SORCS1: variants seen among roughly 807,000 people sequenced by gnomAD.
The protein encoded by SORCS1 is sortilin related VPS10 domain containing receptor 1.
SORCS1 carries 60 observed loss-of-function variants against 146.1 expected under a neutral mutation model. The observed-to-expected ratio is 0.41, with a 90% CI of 0.33 to 0.51. SORCS1 has a LOEUF of 0.51. SORCS1 is among the 20% of genes least tolerant of loss of function. SORCS1 has a pLI of 0.21. For synonymous variants in SORCS1, 637 were observed against 584.0 expected (o/e 1.09, Z -1.31); for missense variants, 1,352 against 1,487.6 (o/e 0.91, Z 1.50).
At chr10:106,699,162 C>T in intron 9 of SORCS1, 52 bp downstream of exon 9, 2 of 1,489,846 alleles carry the variant, frequency 1.3e-6, no homozygotes, top group Non-Finnish European at 9.0e-7. Flanking sequence ...GGGCTTCCAT[C>T]AGCCAGCTGG....
chr10:106,611,662 A>G (rs1035828376), intron 22 of SORCS1, among the ~76,000 whole-genome samples: 1 of 152,208 alleles, frequency 6.6e-6, no homozygotes, highest in Non-Finnish European at 1.5e-5. Flanking sequence ...TAAGCAGAAC[A>G]AGAGTCACAA....
intron 17 of SORCS1, among the ~76,000 whole-genome samples, chr10:106,661,484 A>T (rs1156452286): frequency 1.3e-5 from 2 of 152,222 alleles, no homozygotes; most frequent in Non-Finnish European, 2.9e-5. Flanking sequence ...TTAAACATCA[A>T]ATACATGTCT....
intron 1 of SORCS1, among the ~76,000 whole-genome samples, chr10:107,146,189 G>A (rs1355485238): frequency 6.6e-6 from 1 of 152,106 alleles, no homozygotes; most frequent in Non-Finnish European, 1.5e-5. Context: ...CTGTATAAAT[G>A]TCCATCACAT....
At chr10:107,155,726 CAGA>C (rs1279339461) in intron 1 of SORCS1, among the ~76,000 whole-genome samples, 2 of 152,120 alleles carry the variant, frequency 1.3e-5, no homozygotes, top group East Asian at 3.8e-4. Context: ...GGCCCTGCAG[CAGA>C]AGGATTGATG....
At chr10:106,936,271 T>A (rs543409973) in intron 2 of SORCS1, among the ~76,000 whole-genome samples, 1 of 152,170 alleles carries the variant, frequency 6.6e-6, no homozygotes, top group East Asian at 1.9e-4. Context: ...CTCAGTTGCA[T>A]AATCTTCTAA....
At chr10:106,643,587 C>G (rs1203137989) in intron 18 of SORCS1, among the ~76,000 whole-genome samples, 1 of 152,248 alleles carries the variant, frequency 6.6e-6, no homozygotes, top group Non-Finnish European at 1.5e-5. Context: ...GAAACCAGAT[C>G]TGACAGCTGG....
intron 1 of SORCS1, among the ~76,000 whole-genome samples, chr10:107,111,045 C>T (rs543089602): frequency 6.6e-6 from 1 of 152,308 alleles, no homozygotes; most frequent in South Asian, 2.1e-4. Flanking sequence ...TAGGCAATCC[C>T]ATCAGCTCAG....
At chr10:107,160,730 G>C (rs762680249) in intron 1 of SORCS1, among the ~76,000 whole-genome samples, 14 of 152,124 alleles carry the variant, frequency 9.2e-5, no homozygotes, top group Non-Finnish European at 1.9e-4. Flanking sequence ...ATATGAAAAA[G>C]AGATATTAAC....
At chr10:106,882,806 T>C (rs1462766088) in intron 2 of SORCS1, among the ~76,000 whole-genome samples, 3 of 152,140 alleles carry the variant, frequency 2.0e-5, no homozygotes, top group East Asian at 1.9e-4. Flanking sequence ...ATGAATTACA[T>C]TGGATGGAGA....
intron 2 of SORCS1, among the ~76,000 whole-genome samples, chr10:106,855,079 T>C (rs941709656): frequency 2.0e-5 from 3 of 152,144 alleles, no homozygotes; most frequent in African/African-American, 7.2e-5. Flanking sequence ...TCCTCAACTT[T>C]TGTCCGTCTG....
Position 106,924,466 on chromosome 10 carries a change from G to GATCTATCTATCTATCT in SORCS1, c.626+32031_626+32046dup, listed in dbSNP as rs35692327. ...ATATTATGAAAATTCCACAGTTATC[G>GATCTATCTATCTATCT]ATCTATCTATCTATCTATCTATCTA... On this transcript the variant is annotated intron_variant, in intron 2 of 25. Coordinates refer to ENST00000263054, the MANE Select transcript of SORCS1 (RefSeq NM_052918.5). Among the ~76,000 whole-genome samples the GATCTATCTATCTATCT allele has an allele frequency of 3.8e-5, 5 of 130,760 alleles. No individual in the cohort carries two copies. In the East Asian group the frequency reaches 6.8e-4, roughly 18 times the overall value. The allele number at this position is 130,760 out of a possible 152,430, so 85.8% of individuals were successfully genotyped here. A position where few individuals can be genotyped will look rare whatever the true frequency, so the allele number is the denominator to read the frequency against.
chr10:107,008,132 T>A (rs190300729), intron 1 of SORCS1, among the ~76,000 whole-genome samples: 1 of 152,142 alleles, frequency 6.6e-6, no homozygotes, highest in African/African-American at 2.4e-5. Context: ...GTTTTTTCTA[T>A]ACTAACATCA....
intron 18 of SORCS1, among the ~76,000 whole-genome samples, chr10:106,632,538 C>T (rs1292106573): frequency 6.6e-6 from 1 of 152,182 alleles, no homozygotes; most frequent in African/African-American, 2.4e-5. Flanking sequence ...TAGACATACT[C>T]ACCCTACCGG....
chr10:106,947,817 C>T (rs989739852), intron 2 of SORCS1, among the ~76,000 whole-genome samples: 1 of 150,682 alleles, frequency 6.6e-6, no homozygotes, highest in African/African-American at 2.4e-5. Flanking sequence ...CATCACTCTT[C>T]ACAAGAGTGA....
At chr10:107,008,866 G>C (rs1957565400) in intron 1 of SORCS1, among the ~76,000 whole-genome samples, 1 of 152,168 alleles carries the variant, frequency 6.6e-6, no homozygotes. Flanking sequence ...GCATGGTGGC[G>C]GGTGCCTGTC....
chr10:106,764,307 A>G (rs1467209709), intron 4 of SORCS1, among the ~76,000 whole-genome samples: 1 of 152,152 alleles, frequency 6.6e-6, no homozygotes, highest in African/African-American at 2.4e-5. Context: ...AAAAGAAAAC[A>G]ACAACTCTGC....
intron 2 of SORCS1, among the ~76,000 whole-genome samples, chr10:106,848,296 T>C (rs1387040586): frequency 4.7e-5 from 2 of 42,862 alleles, no homozygotes; most frequent in Non-Finnish European, 9.9e-5. Context: ...ATATTTAGGA[T>C]AGTTAGCTCC....
chr10:106,782,644 G>A (rs979412302), intron 3 of SORCS1, among the ~76,000 whole-genome samples: 59 of 152,252 alleles, frequency 3.9e-4, no homozygotes, highest in African/African-American at 1.3e-3. Flanking sequence ...AAAAGAAAAC[G>A]TATAGGACAT....
intron 2 of SORCS1, among the ~76,000 whole-genome samples, chr10:106,840,196 C>A (rs1176074279): frequency 6.6e-6 from 1 of 152,124 alleles, no homozygotes; most frequent in Non-Finnish European, 1.5e-5. Flanking sequence ...AAATTGAAAA[C>A]CTTTTGGAAG....
Sources: allele counts gnomAD v4.1 joint callset (sites outside exome capture counted in the v4.1 genomes callset), GRCh38; gene constraint gnomAD v4.1.1; transcripts MANE v1.5; gene names NCBI Gene and HGNC (gene_info 2026-07-23, HGNC 2026-07-21).